The following ADAM28 variants were observed in gnomAD, a reference collection of about 807,000 sequenced individuals.
ADAM28 encodes the protein disintegrin and metalloproteinase domain-containing protein 28.
Under a neutral mutation model 101.2 loss-of-function variants are expected in ADAM28, and 105 were observed. The ratio of observed to expected loss-of-function variants is 1.04; its 90% CI spans 0.89 to 1.22. The LOEUF is 1.22. Ranked by LOEUF, ADAM28 falls within the 50% of genes most tolerant of loss-of-function variation. ADAM28 has a pLI of 0.00. For missense variants in ADAM28, 1,028 were observed against 945.4 expected (o/e 1.09, Z -1.15); for synonymous variants, 322 against 310.6 (o/e 1.04, Z -0.39).
chr8:24,328,736 T>A (rs1284194141), intron 10 of ADAM28, among the ~76,000 whole-genome samples: 1 of 152,042 alleles, frequency 6.6e-6, no homozygotes, highest in African/African-American at 2.4e-5. Context: ...AAGACCAGCC[T>A]GGCCAACATG....
intron 21 of ADAM28, 38 bp from the exon 22 acceptor site, chr8:24,353,731 AT>A: frequency 7.9e-7 from 1 of 1,262,086 alleles, no homozygotes; most frequent in Non-Finnish European, 1.2e-6. Flanking sequence ...CAAGCATAGC[AT>A]TTCTAATGCC....
chr8:24,343,231 C>T (rs1442929282), intron 17 of ADAM28, 50 bp downstream of exon 17: 8 of 1,581,346 alleles, frequency 5.1e-6, no homozygotes, highest in Non-Finnish European at 6.9e-6. Context: ...TTATGACATT[C>T]TAGGTCAGTC....
chr8:24,328,018 CGTAA>C (rs1812855362), intron 10 of ADAM28, among the ~76,000 whole-genome samples: 1 of 152,004 alleles, frequency 6.6e-6, no homozygotes, highest in African/African-American at 2.4e-5. Flanking sequence ...ACACAGTTTA[CGTAA>C]GTAACAATCC....
chr8:24,305,097 G>T, intron 2 of ADAM28, among the ~76,000 whole-genome samples: 2 of 150,144 alleles, frequency 1.3e-5, no homozygotes, highest in East Asian at 2.0e-4. Flanking sequence ...TAATATTCTT[G>T]TTTCTACTTC....
At chr8:24,306,675 G>T (rs1362557095) in intron 2 of ADAM28, among the ~76,000 whole-genome samples, 1 of 151,920 alleles carries the variant, frequency 6.6e-6, no homozygotes, top group Non-Finnish European at 1.5e-5. Context: ...AAAAAGTATT[G>T]TGTGTTTTTA....
chr8:24,335,626 G>A lies in ADAM28; in HGVS notation c.1552G>A (p.Glu518Lys). Residue 518 changes from glutamate (E) to lysine (K), a missense_variant, in exon 14 of 23, where the codon GAG becomes AAG. Coordinates refer to ENST00000265769, the MANE Select transcript of ADAM28 (RefSeq NM_014265.6). ...TCPTLQEQCT[E>K]LWGPGTEVAD... ...CCCCACACTGCAGGAGCAGTGCACA[G>A]AGCTGTGGGGACCAGGTAGGAGGAC... 1 of 1,606,902 alleles carries A rather than the reference G, an allele frequency of 6.2e-7. No homozygotes were observed. Among genetic ancestry groups the A allele is most frequent in the Non-Finnish European group, 8.5e-7 (1 of 1,177,064 alleles).
chr8:24,316,641 G>A (rs745452872), intron 6 of ADAM28, among the ~76,000 whole-genome samples: 8 of 151,866 alleles, frequency 5.3e-5, no homozygotes, highest in South Asian at 2.1e-4. Context: ...ATAATCAATC[G>A]GAAAGCAGAA....
At chr8:24,306,511 CT>C (rs1258862289) in intron 2 of ADAM28, among the ~76,000 whole-genome samples, 1 of 151,170 alleles carries the variant, frequency 6.6e-6, no homozygotes, top group Non-Finnish European at 1.5e-5. Context: ...TCGCTGATCT[CT>C]AGTTTCTATT....
At chr8:24,306,743 G>A (rs1809748486) in intron 2 of ADAM28, among the ~76,000 whole-genome samples, 1 of 152,150 alleles carries the variant, frequency 6.6e-6, no homozygotes, top group African/African-American at 2.4e-5. Context: ...TTGGCATCCT[G>A]TATTTTATCT....
chr8:24,340,504 G>T (rs1298943246), intron 15 of ADAM28, among the ~76,000 whole-genome samples: 1 of 152,144 alleles, frequency 6.6e-6, no homozygotes, highest in Non-Finnish European at 1.5e-5. Context: ...GGAAGAGAGT[G>T]GGTCTCGCCA....
At chr8:24,296,326 G>C (rs1254027894) in intron 1 of ADAM28, 1 of 152,056 alleles carries the variant, frequency 6.6e-6, no homozygotes, top group South Asian at 2.1e-4. Context: ...TTTCCCTTTT[G>C]TTTGTACTCA....
At chr8:24,352,333 T>G (rs1160080360) in intron 21 of ADAM28, among the ~76,000 whole-genome samples, 2 of 152,196 alleles carry the variant, frequency 1.3e-5, no homozygotes, top group African/African-American at 4.8e-5. Flanking sequence ...TTAACATAGA[T>G]TGAGTGGCTT....
chr8:24,343,636 C>T, intron 18 of ADAM28, 52 bp downstream of exon 18: 1 of 1,528,000 alleles, frequency 6.5e-7, no homozygotes, highest in Non-Finnish European at 9.1e-7. Context: ...TCTTCCAAGC[C>T]TTTATTTTGT....
At position 24,358,091 on chromosome 8, in the gene ADAM28, T is replaced by C. The variant is rs13273118; in HGVS notation, c.*3687T>C. On this transcript the variant is annotated 3_prime_UTR_variant, in exon 23 of 23. Transcript: ENST00000265769. ...TTTATAAAGGCTAACCAATTAACTG[T>C]TTTTAACTTATATTTCCAGATATTT... 9.2e-6 allele frequency: 1 copy of C among 108,476 alleles called. No homozygotes were observed. The highest frequency in any genetic ancestry group is 3.5e-5 in the African/African-American group (1 of 28,298). 6.7% of individuals were successfully genotyped at this position (108,476 alleles called of 1,614,324 possible).
intron 18 of ADAM28, among the ~76,000 whole-genome samples, chr8:24,347,844 G>A (rs1363586375): frequency 1.3e-5 from 2 of 151,852 alleles, no homozygotes; most frequent in African/African-American, 2.4e-5. Context: ...ATTTGTTTTG[G>A]TCTGTATTTG....
chr8:24,317,674 A>G (rs1811339169), intron 6 of ADAM28, among the ~76,000 whole-genome samples: 1 of 152,060 alleles, frequency 6.6e-6, no homozygotes, highest in Non-Finnish European at 1.5e-5. Context: ...TAAAAGTAAA[A>G]TGTAAGAGAC....
chr8:24,334,296 T>A (rs1813733832), intron 13 of ADAM28, among the ~76,000 whole-genome samples: 1 of 152,178 alleles, frequency 6.6e-6, no homozygotes, highest in African/African-American at 2.4e-5. Context: ...AGATGTTGGA[T>A]GGGGACAGGG....
chr8:24,329,986 A>G lies in ADAM28; in HGVS notation c.974A>G (p.Asp325Gly). Residue 325 changes from aspartate to glycine, a missense_variant and splice_region_variant, in exon 11 of 23, where the codon GAC becomes GGC. Transcript: ENST00000265769. ...CTTTTTCTTCTTTCATACCTTTAGG[A>G]CCACAGCGATAATCTTCTTAGAGTT... ...CSPYSVGVVQ[D>G]HSDNLLRVAG... 1 of 1,612,084 alleles carries G rather than the reference A, an allele frequency of 6.2e-7. No individual in the cohort carries two copies. Among genetic ancestry groups the G allele is most frequent in the Non-Finnish European group, 8.5e-7 (1 of 1,178,894 alleles).
In ADAM28 at chr8:24,357,700, A is replaced by G. The variant is rs1816770758; in HGVS notation, c.*3296A>G. On this transcript the variant is annotated 3_prime_UTR_variant, in exon 23 of 23. Transcript: ENST00000265769. ...AGAGCCAAACCATATAATGTTTTAA[A>G]TGCTCCAGATAGGTTTAGGTAAAAT... 6.6e-6 allele frequency: 1 copy of G among 152,130 alleles called. No homozygotes were observed. Among genetic ancestry groups the G allele is most frequent in the Admixed American group, 6.6e-5 (1 of 15,258 alleles). The allele number at this position is 152,130 out of a possible 1,614,324, so 9.4% of individuals were successfully genotyped here.
Sources: allele counts gnomAD v4.1 joint callset (sites outside exome capture counted in the v4.1 genomes callset), GRCh38; gene constraint gnomAD v4.1.1; transcripts MANE v1.5; gene names NCBI Gene and HGNC (gene_info 2026-07-23, HGNC 2026-07-21).